ZCCHC2: variants seen among roughly 807,000 people sequenced by gnomAD.
ZCCHC2 encodes zinc finger CCHC-type containing 2, also known as zinc finger CCHC domain-containing protein 2.
In ZCCHC2, 39 loss-of-function variants were observed where a neutral mutation model predicts 103.6. The ratio of observed to expected loss-of-function variants is 0.38; its 90% CI spans 0.29 to 0.49. The LOEUF (loss-of-function observed/expected upper bound fraction) is 0.49. ZCCHC2 is among the 20% of genes least tolerant of loss of function. The probability of loss-of-function intolerance (pLI) is 0.96; values close to 1 mark genes in which losing one functional copy is unlikely to be tolerated. For synonymous variants in ZCCHC2, 687 were observed against 608.9 expected (o/e 1.13, Z -1.89); for missense variants, 1,483 against 1,491.0 (o/e 0.99, Z 0.09).
chr18:62,526,004 C>T (rs1914374754), intron 1 of ZCCHC2: 1 of 152,118 alleles, frequency 6.6e-6, no homozygotes, highest in Non-Finnish European at 1.5e-5. Flanking sequence ...CACAGTGGAA[C>T]CTCATATCAT....
chr18:62,556,113 GC>G, intron 5 of ZCCHC2, 89 bp from the exon 6 acceptor site: 1 of 934,200 alleles, frequency 1.1e-6, no homozygotes, highest in Non-Finnish European at 1.6e-6. Flanking sequence ...GAATTAAACT[GC>G]CACTTCATTC....
rs769563089 is a variant in ZCCHC2 at position 62,532,710 on chromosome 18, T to G, written c.940-6971T>G. Among the ~76,000 whole-genome samples the G allele has an allele frequency of 7.4e-4, 112 of 152,242 alleles. 1 individual carries two copies. The Middle Eastern group carries it at 9.5e-3, about 13-fold the overall frequency. The stretch of plus-strand genomic sequence containing the variant: ...ACATATATCGTTGTAATTTTGGTAC[T>G]TCTGTGATTCTTTGTCTTTTTAACA... On this transcript the variant is annotated intron_variant, in intron 1 of 13. Coordinates refer to ENST00000269499, the MANE Select transcript of ZCCHC2 (RefSeq NM_017742.6).
chr18:62,533,169 T>G (rs1914768473), intron 1 of ZCCHC2, among the ~76,000 whole-genome samples: 1 of 152,248 alleles, frequency 6.6e-6, no homozygotes, highest in African/African-American at 2.4e-5. Context: ...TTTGTCAGTG[T>G]TGTATATATC....
rs761124202 is a variant in ZCCHC2, at chr18:62,575,091, C to T, written c.3010C>T (p.Pro1004Ser). 7 of 1,613,900 alleles carry T rather than the reference C, an allele frequency of 4.3e-6. No homozygotes were observed. Among genetic ancestry groups the T allele is most frequent in the Non-Finnish European group, 5.9e-6 (7 of 1,179,888 alleles). The part of the protein sequence containing the change: ...NTNANGTVVP[P>S]QQMGSGPCGS... The stretch of plus-strand genomic sequence containing the variant: ...GAACGCTAATGGGACAGTAGTGCCA[C>T]CGCAGCAGATGGGCTCAGGTCCTTG... The change falls in exon 13 of 14, where the codon CCG becomes TCG. Residue 1004 changes from proline (P) to serine (S), a missense_variant. By Grantham distance (74) the Pro-to-Ser change is moderately conservative. Around this residue, in one of 3 missense-constraint regions of ZCCHC2, gnomAD observed 884 missense variants for 907.5 expected, o/e 0.97. Coordinates refer to ENST00000269499, the MANE Select transcript of ZCCHC2 (RefSeq NM_017742.6).
chr18:62,570,350 T>C, intron 12 of ZCCHC2, 119 bp downstream of exon 12: 1 of 1,236,420 alleles, frequency 8.1e-7, no homozygotes, highest in South Asian at 1.4e-5. Context: ...ATAAATGCCA[T>C]TAACTGATTT....
chr18:62,575,631 T>C (rs1429127637), intron 13 of ZCCHC2, 81 bp downstream of exon 13: 19 of 1,469,270 alleles, frequency 1.3e-5, no homozygotes, highest in Non-Finnish European at 1.7e-5. Flanking sequence ...TGGGATTCTG[T>C]TGTAGCAGAA....
At chr18:62,561,211 A>C (rs141019476) in intron 8 of ZCCHC2, among the ~76,000 whole-genome samples, 1 of 152,172 alleles carries the variant, frequency 6.6e-6, no homozygotes, top group Non-Finnish European at 1.5e-5. Context: ...AATGCACTCA[A>C]ATTTTTATCT....
At chr18:62,535,724 A>AT (rs1269356996) in intron 1 of ZCCHC2, among the ~76,000 whole-genome samples, 3 of 152,228 alleles carry the variant, frequency 2.0e-5, no homozygotes, top group Non-Finnish European at 4.4e-5. Flanking sequence ...CCACCAGCAC[A>AT]TTCTAAAGCC....
At chr18:62,571,099 A>C (rs1270052329) in intron 12 of ZCCHC2, among the ~76,000 whole-genome samples, 1 of 152,228 alleles carries the variant, frequency 6.6e-6, no homozygotes, top group Non-Finnish European at 1.5e-5. Context: ...TGTCAGCCCC[A>C]GCTAGTAATG....
In ZCCHC2 at chr18:62,570,045, TAGAA is replaced by T. The variant is rs1483868754; in HGVS notation, c.1847-56_1847-53del. On this transcript the variant is annotated intron_variant, in intron 11 of 13. Transcript: ENST00000269499. ...AAAATTAATTTCTAATGATTCAACT[TAGAA>T]ATTAATTTAAAATGACTTAACATGA... is the stretch of plus-strand genomic sequence containing the variant. 2.0e-6 allele frequency: 3 copies of T among 1,471,330 alleles called. No individual in the cohort carries two copies. In the African/African-American group the frequency reaches 4.3e-5, roughly 21 times the overall value. 91.1% of individuals were successfully genotyped at this position (1,471,330 alleles called of 1,614,324 possible).
At chr18:62,573,852 TCCCC>T in intron 12 of ZCCHC2, among the ~76,000 whole-genome samples, 2 of 152,198 alleles carry the variant, frequency 1.3e-5, no homozygotes, top group Non-Finnish European at 2.9e-5. Flanking sequence ...TCTGTTTATA[TCCCC>T]GTATTTTAAA....
chr18:62,525,060 T>C (rs897596201), intron 1 of ZCCHC2: 1 of 97,460 alleles, frequency 1.0e-5, no homozygotes, highest in African/African-American at 3.1e-5. Context: ...GAGAGAAACC[T>C]TTTCTAGCGC....
chr18:62,564,454 A>G (rs910547204), intron 9 of ZCCHC2, 117 bp from the exon 10 acceptor site: 17 of 722,202 alleles, frequency 2.4e-5, no homozygotes, highest in African/African-American at 7.3e-5. Flanking sequence ...TAGGTTGGAA[A>G]TCAACACTTG....
At chr18:62,571,937 A>G (rs1916613556) in intron 12 of ZCCHC2, among the ~76,000 whole-genome samples, 1 of 152,232 alleles carries the variant, frequency 6.6e-6, no homozygotes, top group Admixed American at 6.5e-5. Flanking sequence ...GTCATACCAA[A>G]TGTAGCATAG....
chr18:62,556,882 A>G (rs1915907249), intron 6 of ZCCHC2, among the ~76,000 whole-genome samples: 1 of 152,152 alleles, frequency 6.6e-6, no homozygotes, highest in South Asian at 2.1e-4. Context: ...CTATCCCTGG[A>G]TTATCACAAG....
chr18:62,574,014 A>C, intron 12 of ZCCHC2, 43 bp from the exon 13 acceptor site: 1 of 1,551,112 alleles, frequency 6.4e-7, no homozygotes, highest in Non-Finnish European at 8.8e-7. Flanking sequence ...GAAAGATGGG[A>C]GTTATGCCCG....
intron 5 of ZCCHC2, among the ~76,000 whole-genome samples, chr18:62,554,258 A>C (rs12605828): frequency 0.22 from 33,710 of 152,106 alleles, 3,971 homozygotes; most frequent in South Asian, 0.31. Context: ...GTTATAAAGG[A>C]GGCGGAAGAA....
chr18:62,534,936 G>A (rs952958843), intron 1 of ZCCHC2, among the ~76,000 whole-genome samples: 2 of 152,226 alleles, frequency 1.3e-5, no homozygotes, highest in South Asian at 4.1e-4. Context: ...AGTTACTGCC[G>A]TAGATCCTTC....
At position 62,560,490 on chromosome 18, in the gene ZCCHC2, T is replaced by C; in HGVS notation, c.1493-97T>C. 3.2e-6 allele frequency: 3 copies of C among 926,208 alleles called. No individual in the cohort carries two copies. In the Admixed American group the frequency reaches 6.5e-5, roughly 20 times the overall value. The allele number at this position is 926,208 out of a possible 1,614,324, so 57.4% of individuals were successfully genotyped here. On this transcript the variant is annotated intron_variant, in intron 7 of 13. Coordinates refer to ENST00000269499, the MANE Select transcript of ZCCHC2 (RefSeq NM_017742.6). The stretch of plus-strand genomic sequence containing the variant: ...ATGCTTAGAAGTGCTTCATACCATC[T>C]GTCACCAGTGGTTATGATCATACAA...
Sources: gnomAD v4.1 joint callset for allele counts (sites outside exome capture counted in the v4.1 genomes callset) on GRCh38, gnomAD v4.1.1 for gene constraint, gnomAD v4.1.1 regional missense constraint, MANE v1.5 for transcripts, NCBI Gene and HGNC (gene_info 2026-07-23, HGNC 2026-07-21) for gene names.